SLC10A7: variants seen among roughly 807,000 people sequenced by gnomAD.
SLC10A7 encodes solute carrier family 10 member 7, also known as sodium/bile acid cotransporter 7.
Under a neutral mutation model 43.2 loss-of-function variants are expected in SLC10A7, and 29 were observed. That is an observed-to-expected ratio of 0.67 (90% CI 0.50 to 0.92). The LOEUF (loss-of-function observed/expected upper bound fraction) is 0.92, where lower values mean the gene tolerates loss of function less well. Among genes scored for constraint, SLC10A7 ranks in the 40% least tolerant of loss-of-function variants. SLC10A7 has a pLI of 0.00. For missense variants in SLC10A7, 295 were observed against 403.2 expected (o/e 0.73, Z 2.30); for synonymous variants, 152 against 144.8 (o/e 1.05, Z -0.35).
At chr4:146,261,129 A>G (rs6537409) in intron 10 of SLC10A7, among the ~76,000 whole-genome samples, 3,322 of 152,118 alleles carry the variant, frequency 0.022, 110 homozygotes, top group African/African-American at 0.076. Flanking sequence ...CCTTCTCTCC[A>G]CTGCTCTTGC....
chr4:146,274,821 G>A (rs1415117533), intron 10 of SLC10A7, among the ~76,000 whole-genome samples: 1 of 152,110 alleles, frequency 6.6e-6, no homozygotes, highest in East Asian at 1.9e-4. Context: ...ATGTCATAAG[G>A]ATATTCTTTT....
At position 146,521,630 on chromosome 4, in the gene SLC10A7, C is replaced by G; in HGVS notation, c.88G>C (p.Gly30Arg). 1 of 1,614,116 alleles carries G rather than the reference C, an allele frequency of 6.2e-7. No individual in the cohort carries two copies. The highest frequency in any genetic ancestry group is 8.5e-7 in the Non-Finnish European group (1 of 1,179,966). ...IAGAKLEPSI[G>R]VNGGPLKPEI... is the part of the protein sequence containing the mutation. ...GTGCAGCACTTACCCCCATTCACCC[C>G]TATGGACGGCTCCAGTTTAGCTCCA... The change falls in exon 1 of 12, where the codon GGG becomes CGG. Residue 30 changes from glycine (G) to arginine (R), a missense_variant. Gly to Arg is a moderately radical substitution (Grantham distance 125). Around this residue, in one of 2 missense-constraint regions of SLC10A7, gnomAD observed 53 missense variants for 40.7 expected, o/e 1.30. Transcript: ENST00000335472.
intron 4 of SLC10A7, among the ~76,000 whole-genome samples, chr4:146,490,291 C>T (rs1458297783): frequency 6.6e-6 from 1 of 152,052 alleles, no homozygotes; most frequent in Non-Finnish European, 1.5e-5. Context: ...GACTTCATTG[C>T]GCAAATGCAA....
At chr4:146,394,421 G>T (rs185204064) in intron 5 of SLC10A7, among the ~76,000 whole-genome samples, 2 of 151,998 alleles carry the variant, frequency 1.3e-5, no homozygotes, top group African/African-American at 4.8e-5. Flanking sequence ...GTGCAGTGGC[G>T]CAATCTTGGC....
intron 10 of SLC10A7, among the ~76,000 whole-genome samples, chr4:146,262,390 G>A (rs1395517361): frequency 2.0e-5 from 3 of 152,164 alleles, no homozygotes. Flanking sequence ...TGGAAACTTG[G>A]GGGTCATCTC....
chr4:146,439,953 C>A (rs1015754460), intron 5 of SLC10A7, among the ~76,000 whole-genome samples: 1 of 152,198 alleles, frequency 6.6e-6, no homozygotes, highest in African/African-American at 2.4e-5. Flanking sequence ...AATAAATCTT[C>A]TTCCTAATCC....
At chr4:146,490,856 C>A (rs756860889) in intron 4 of SLC10A7, among the ~76,000 whole-genome samples, 12 of 152,168 alleles carry the variant, frequency 7.9e-5, no homozygotes, top group Non-Finnish European at 1.8e-4. Flanking sequence ...ACTTCAACCA[C>A]GATATGACCA....
chr4:146,377,377 C>T (rs952226885), intron 5 of SLC10A7, among the ~76,000 whole-genome samples: 3 of 152,284 alleles, frequency 2.0e-5, no homozygotes, highest in Admixed American at 6.5e-5. Context: ...AACACTTAGC[C>T]ATCTGTGGAT....
intron 5 of SLC10A7, among the ~76,000 whole-genome samples, chr4:146,356,039 T>TAAAA (rs58931920): frequency 2.9e-5 from 4 of 139,814 alleles, no homozygotes; most frequent in African/African-American, 1.1e-4. Context: ...TAAAGTATAA[T>TAAAA]AAAAAAAAAA....
intron 2 of SLC10A7, among the ~76,000 whole-genome samples, chr4:146,511,351 A>G (rs914700411): frequency 3.3e-5 from 5 of 152,246 alleles, no homozygotes; most frequent in Admixed American, 2.0e-4. Flanking sequence ...TAGAAAAACT[A>G]TAGTCCTTTA....
intron 10 of SLC10A7, among the ~76,000 whole-genome samples, chr4:146,278,024 C>T (rs1057486439): frequency 3.3e-5 from 5 of 151,956 alleles, no homozygotes; most frequent in South Asian, 2.1e-4. Flanking sequence ...CAAACCCATG[C>T]GAAGATCAAA....
intron 5 of SLC10A7, among the ~76,000 whole-genome samples, chr4:146,401,249 C>A (rs181020100): frequency 8.6e-4 from 131 of 152,270 alleles, no homozygotes; most frequent in African/African-American, 3.1e-3. Context: ...CTGCTGATCC[C>A]TTAGTAACCC....
intron 4 of SLC10A7, among the ~76,000 whole-genome samples, chr4:146,501,692 T>A (rs536382233): frequency 6.6e-6 from 1 of 152,324 alleles, no homozygotes; most frequent in South Asian, 2.1e-4. Flanking sequence ...TTTTAACCAC[T>A]GAGATTTTGG....
At chr4:146,322,341 G>C (rs1204374960) in intron 6 of SLC10A7, among the ~76,000 whole-genome samples, 1 of 151,350 alleles carries the variant, frequency 6.6e-6, no homozygotes, top group East Asian at 1.9e-4. Flanking sequence ...ATTTACATTA[G>C]GTATATCTCC....
intron 4 of SLC10A7, among the ~76,000 whole-genome samples, chr4:146,460,749 A>G (rs897849714): frequency 7.2e-5 from 11 of 152,000 alleles, no homozygotes; most frequent in African/African-American, 2.7e-4. Context: ...TAGTGTTTAT[A>G]CAATTTTATA....
intron 6 of SLC10A7, among the ~76,000 whole-genome samples, chr4:146,319,453 C>T (rs1315537990): frequency 6.6e-6 from 1 of 151,992 alleles, no homozygotes; most frequent in Admixed American, 6.6e-5. Flanking sequence ...ACTTCCTATT[C>T]CTCTACATTA....
chr4:146,493,486 G>GA lies in SLC10A7; in HGVS notation c.396+10362dup, dbSNP rs754079380. Among the ~76,000 whole-genome samples the GA allele has an allele frequency of 6.0e-3, 781 of 130,830 alleles. 4 individuals carry two copies. Among genetic ancestry groups the GA allele is most frequent in the African/African-American group, 0.017 (602 of 35,868 alleles). 85.8% of individuals were successfully genotyped at this position (130,830 alleles called of 152,430 possible). ...GGGCAACAGTGCGAGACTCTGTCTC[G>GA]AAAAAAAAAAAAAAGAGAGAGAGGG... On this transcript the variant is annotated intron_variant, in intron 4 of 11. Coordinates refer to ENST00000335472, the MANE Select transcript of SLC10A7 (RefSeq NM_001029998.6).
rs149189840 is a variant in SLC10A7 at position 146,370,537 on chromosome 4, T to C, written c.436-44541A>G. ...TCCTAAAGGGAGTCCCCTGAGCAGA[T>C]TGGGGAGGCACTTAAGGTCAAATCA... On this transcript the variant is annotated intron_variant, in intron 5 of 11. Coordinates refer to ENST00000335472, the MANE Select transcript of SLC10A7 (RefSeq NM_001029998.6). Among the ~76,000 whole-genome samples, 147 of 152,236 alleles carry C rather than the reference T, an allele frequency of 9.7e-4. 2 individuals are homozygous for C. The highest frequency in any genetic ancestry group is 3.4e-3 in the African/African-American group (142 of 41,544).
At chr4:146,311,358 A>G (rs1731966768) in intron 6 of SLC10A7, among the ~76,000 whole-genome samples, 1 of 152,168 alleles carries the variant, frequency 6.6e-6, no homozygotes, top group Non-Finnish European at 1.5e-5. Context: ...TAGAAAACAG[A>G]TGGTGCATTT....
Sources: allele counts gnomAD v4.1 joint callset (sites outside exome capture counted in the v4.1 genomes callset), GRCh38; gene constraint gnomAD v4.1.1; regional missense constraint gnomAD v4.1.1; transcripts MANE v1.5; gene names NCBI Gene and HGNC (gene_info 2026-07-23, HGNC 2026-07-21).